AOAH: variants seen among roughly 807,000 people sequenced by gnomAD.
AOAH encodes the protein acyloxyacyl hydrolase, also known as acyloxyacyl hydrolase (neutrophil).
A neutral mutation model predicts 92.2 loss-of-function variants in AOAH; 64 were observed. That is an observed-to-expected ratio of 0.69 (90% CI 0.57 to 0.86). The LOEUF is 0.86. Ranked by LOEUF, AOAH falls within the 40% of genes least tolerant of loss-of-function variation. The pLI, the probability that AOAH is intolerant of heterozygous loss-of-function variation, is 0.00. For missense variants in AOAH, 656 were observed against 694.6 expected (o/e 0.94, Z 0.62); for synonymous variants, 263 against 254.5 (o/e 1.03, Z -0.32).
In AOAH at chr7:36,532,064, A is replaced by G. The variant is rs1784726096; in HGVS notation, c.1425+83T>C. 5 of 1,518,340 alleles carry G rather than the reference A, an allele frequency of 3.3e-6. No individual in the cohort carries two copies. The Admixed American group carries it at 5.0e-5, about 15-fold the overall frequency. The allele number at this position is 1,518,340 out of a possible 1,614,324, so 94.1% of individuals were successfully genotyped here. ...GCTTGGAGACCATCTGCCTGCCAGG[A>G]TCCCATCCCCAGTGAAAACTCTGCA... On this transcript the variant is annotated intron_variant, in intron 18 of 20. Coordinates refer to ENST00000617537, the MANE Select transcript of AOAH (RefSeq NM_001637.4).
At chr7:36,598,745 C>T (rs1790325686) in intron 11 of AOAH, among the ~76,000 whole-genome samples, 1 of 152,094 alleles carries the variant, frequency 6.6e-6, no homozygotes, top group South Asian at 2.1e-4. Context: ...AAAGTAGTGG[C>T]TATTAATAGC....
chr7:36,556,079 G>T (rs1254367426), intron 13 of AOAH, among the ~76,000 whole-genome samples: 2 of 152,048 alleles, frequency 1.3e-5, no homozygotes, highest in African/African-American at 2.4e-5. Context: ...TGATGTTAGG[G>T]TGTCAATTTT....
At chr7:36,601,733 T>A (rs1348295090) in intron 11 of AOAH, among the ~76,000 whole-genome samples, 2 of 152,114 alleles carry the variant, frequency 1.3e-5, no homozygotes, top group South Asian at 2.1e-4. Flanking sequence ...CTGCCCCACA[T>A]GTGGGGCTTT....
chr7:36,533,388 G>C (rs1450384384), intron 16 of AOAH, among the ~76,000 whole-genome samples: 1 of 152,124 alleles, frequency 6.6e-6, no homozygotes, highest in African/African-American at 2.4e-5. Context: ...TGATTAGTTA[G>C]ACTGGAAGAT....
At chr7:36,565,699 A>AT (rs1181901020) in intron 13 of AOAH, among the ~76,000 whole-genome samples, 214 of 145,262 alleles carry the variant, frequency 1.5e-3, no homozygotes, top group African/African-American at 3.0e-3. Flanking sequence ...CAACTGGCTG[A>AT]TTTTTTTTTT....
At chr7:36,535,314 T>C (rs541580706) in intron 16 of AOAH, among the ~76,000 whole-genome samples, 1 of 152,176 alleles carries the variant, frequency 6.6e-6, no homozygotes, top group South Asian at 2.1e-4. Flanking sequence ...GTAACTTCTT[T>C]AGGGCAGGGT....
rs150807975 is a variant in AOAH, at chr7:36,675,150, G to A, written c.224-1141C>T. On this transcript the variant is annotated intron_variant, in intron 2 of 20. Coordinates refer to ENST00000617537, the MANE Select transcript of AOAH (RefSeq NM_001637.4). ...AGGTGCTTGTAATCCCAGTTACTAG[G>A]GAGGCTGGGGCAGGAGAATCGCTTG... Among the ~76,000 whole-genome samples, 195 of 152,294 alleles carry A rather than the reference G, an allele frequency of 1.3e-3. 2 individuals are homozygous for A. The Middle Eastern group carries it at 0.037, about 29-fold the overall frequency.
intron 2 of AOAH, among the ~76,000 whole-genome samples, chr7:36,682,206 C>A (rs1392443116): frequency 6.6e-6 from 1 of 152,212 alleles, no homozygotes; most frequent in Non-Finnish European, 1.5e-5. Context: ...CAGGGCAAGG[C>A]CCACACTGAG....
chr7:36,517,595 A>G lies in AOAH; in HGVS notation c.1600-4215T>C, dbSNP rs559369712. On this transcript the variant is annotated intron_variant, in intron 20 of 20. Transcript: ENST00000617537. ...GGGTGTAGAGCCTTTCTGACTTTATATCTTTTTTTTTTTTTTTTTTTTTGA... is the reference window on the plus strand; with the variant it reads ...GGGTGTAGAGCCTTTCTGACTTTATGTCTTTTTTTTTTTTTTTTTTTTTGA... Among the ~76,000 whole-genome samples the G allele has an allele frequency of 9.7e-3, 984 of 101,212 alleles. 6 individuals are homozygous for G. Among genetic ancestry groups the G allele is most frequent in the Non-Finnish European group, 0.015 (744 of 50,292 alleles). The allele number at this position is 101,212 out of a possible 152,430, so 66.4% of individuals were successfully genotyped here.
At position 36,522,469 on chromosome 7, in the gene AOAH, CA is replaced by C. The variant is rs551720184; in HGVS notation, c.1523-355del. ...GGTATTACAGTAGGGAAAAATCCAACATTTTGTTAACATCCCCTTTCATGGG... is the reference window on the plus strand; with the variant it reads ...GGTATTACAGTAGGGAAAAATCCAACTTTTGTTAACATCCCCTTTCATGGG... On this transcript the variant is annotated intron_variant, in intron 19 of 20. Coordinates refer to ENST00000617537, the MANE Select transcript of AOAH (RefSeq NM_001637.4). Among the ~76,000 whole-genome samples, 9 of 152,308 alleles carry C rather than the reference CA, an allele frequency of 5.9e-5. No homozygotes were observed. In the South Asian group the frequency reaches 1.9e-3, roughly 32 times the overall value.
chr7:36,558,811 T>G (rs898705785), intron 13 of AOAH, among the ~76,000 whole-genome samples: 4 of 152,252 alleles, frequency 2.6e-5, no homozygotes, highest in African/African-American at 7.2e-5. Flanking sequence ...GGTGCGCTGT[T>G]TCCTAAGCCC....
At chr7:36,711,500 G>T (rs540763022) in intron 1 of AOAH, among the ~76,000 whole-genome samples, 1 of 152,190 alleles carries the variant, frequency 6.6e-6, no homozygotes, top group Non-Finnish European at 1.5e-5. Context: ...TTCTCTTCAG[G>T]TTTCCACCTC....
intron 2 of AOAH, among the ~76,000 whole-genome samples, chr7:36,676,558 A>G (rs571298109): frequency 6.6e-6 from 1 of 152,236 alleles, no homozygotes; most frequent in Non-Finnish European, 1.5e-5. Context: ...ATTCAATGCC[A>G]TCTCTACCAA....
chr7:36,602,138 TAAAC>T (rs1228267574), intron 11 of AOAH, among the ~76,000 whole-genome samples: 1 of 152,124 alleles, frequency 6.6e-6, no homozygotes, highest in African/African-American at 2.4e-5. Flanking sequence ...GGGCAGTGAA[TAAAC>T]AATCAAATAA....
chr7:36,543,074 G>A (rs149515979), intron 15 of AOAH, among the ~76,000 whole-genome samples: 1 of 152,144 alleles, frequency 6.6e-6, no homozygotes, highest in Non-Finnish European at 1.5e-5. Flanking sequence ...AGTCTCTTAA[G>A]GGGGGAGAGA....
chr7:36,620,714 A>G, intron 9 of AOAH, 67 bp downstream of exon 9: 1 of 1,487,038 alleles, frequency 6.7e-7, no homozygotes, highest in Non-Finnish European at 9.3e-7. Context: ...TAAAGCAAAT[A>G]TGTGATGAGC....
At chr7:36,583,107 ACT>A (rs1419783556) in intron 12 of AOAH, among the ~76,000 whole-genome samples, 1 of 151,996 alleles carries the variant, frequency 6.6e-6, no homozygotes, top group Non-Finnish European at 1.5e-5. Context: ...GCAATTTCTG[ACT>A]CTGTCCAGAG....
At chr7:36,673,687 C>G (rs555761628) in intron 3 of AOAH, among the ~76,000 whole-genome samples, 1 of 152,148 alleles carries the variant, frequency 6.6e-6, no homozygotes, top group South Asian at 2.1e-4. Flanking sequence ...TCCAGGGAGG[C>G]GGAGAGGGCT....
chr7:36,678,600 T>TGCGCGTGCGC (rs1796437861), intron 2 of AOAH, among the ~76,000 whole-genome samples: 7 of 131,034 alleles, frequency 5.3e-5, no homozygotes, highest in African/African-American at 1.9e-4. Flanking sequence ...TGTGTGTGTG[T>TGCGCGTGCGC]GCGCGCGCGC....
Sources: gnomAD v4.1 joint callset for allele counts (sites outside exome capture counted in the v4.1 genomes callset) on GRCh38, gnomAD v4.1.1 for gene constraint, MANE v1.5 for transcripts, NCBI Gene and HGNC (gene_info 2026-07-23, HGNC 2026-07-21) for gene names.